ROBO1: variants seen among roughly 807,000 people sequenced by gnomAD.
The protein encoded by ROBO1 is roundabout guidance receptor 1, also known as roundabout homolog 1.
Under a neutral mutation model 195.9 loss-of-function variants are expected in ROBO1, and 149 were observed. The ratio of observed to expected loss-of-function variants is 0.76; its 90% CI spans 0.67 to 0.87. The LOEUF (loss-of-function observed/expected upper bound fraction) is 0.87, where lower values mean the gene tolerates loss of function less well. ROBO1 is among the 40% of genes least tolerant of loss of function. The pLI, the probability that ROBO1 is intolerant of heterozygous loss-of-function variation, is 0.00. For synonymous variants in ROBO1, 816 were observed against 733.2 expected, an observed-to-expected ratio of 1.11 and a Z score of -1.82; for missense variants, 1,933 against 2,068.3, an observed-to-expected ratio of 0.93 and a Z score of 1.27.
At chr3:78,811,488 C>T (rs569024994) in intron 4 of ROBO1, among the ~76,000 whole-genome samples, 2 of 152,276 alleles carry the variant, frequency 1.3e-5, no homozygotes, top group African/African-American at 2.4e-5. Context: ...GATCTTTTGA[C>T]ATTGTAACTG....
intron 1 of ROBO1, among the ~76,000 whole-genome samples, chr3:79,604,488 A>G (rs1944426490): frequency 6.6e-6 from 1 of 151,996 alleles, no homozygotes; most frequent in Admixed American, 6.6e-5. Flanking sequence ...TTGTTATTCT[A>G]TTTTAGTCAC....
At chr3:79,758,283 G>A (rs1472141863) in intron 1 of ROBO1, among the ~76,000 whole-genome samples, 2 of 152,082 alleles carry the variant, frequency 1.3e-5, no homozygotes, top group Non-Finnish European at 2.9e-5. Context: ...GCATAAAATT[G>A]GCTATCTAAA....
chr3:79,293,295 G>T (rs187595328), intron 2 of ROBO1, among the ~76,000 whole-genome samples: 1 of 151,842 alleles, frequency 6.6e-6, no homozygotes, highest in East Asian at 1.9e-4. Flanking sequence ...TCTTGCTAGT[G>T]GTCTATATAT....
At position 79,012,567 on chromosome 3, in the gene ROBO1, C is replaced by T. The variant is rs1035757422; in HGVS notation, c.173-73640G>A. ...GTGAACGCCACAGAGGTACTTCTCT[C>T]TTTGAATAAAGTCAGAAAGATATGC... On this transcript the variant is annotated intron_variant, in intron 3 of 30. Transcript: ENST00000464233. Among the ~76,000 whole-genome samples, 10 of 152,332 alleles carry T rather than the reference C, an allele frequency of 6.6e-5. No homozygotes were observed. The South Asian group carries it at 1.7e-3, about 25-fold the overall frequency.
At chr3:79,099,096 G>A (rs1393123057) in intron 3 of ROBO1, among the ~76,000 whole-genome samples, 1 of 151,612 alleles carries the variant, frequency 6.6e-6, no homozygotes, top group Non-Finnish European at 1.5e-5. Context: ...TCTCTTCTAA[G>A]CCCTAATCTT....
chr3:79,316,478 C>T (rs2033742330), intron 2 of ROBO1, among the ~76,000 whole-genome samples: 1 of 152,056 alleles, frequency 6.6e-6, no homozygotes, highest in African/African-American at 2.4e-5. Flanking sequence ...AAAATTTCAT[C>T]TTTAATTATA....
intron 29 of ROBO1, among the ~76,000 whole-genome samples, chr3:78,600,734 C>T (rs1160140909): frequency 6.6e-6 from 1 of 152,130 alleles, no homozygotes; most frequent in Non-Finnish European, 1.5e-5. Flanking sequence ...GGCCTCCGTT[C>T]ACATGGACAC....
At chr3:78,858,248 A>T (rs2034571425) in intron 4 of ROBO1, among the ~76,000 whole-genome samples, 2 of 150,504 alleles carry the variant, frequency 1.3e-5, no homozygotes, top group Admixed American at 6.6e-5. Context: ...ATCAGGAGCA[A>T]GAGATTAATT....
chr3:78,626,098 T>G (rs563833637), intron 26 of ROBO1, among the ~76,000 whole-genome samples: 12 of 151,590 alleles, frequency 7.9e-5, no homozygotes, highest in Non-Finnish European at 1.8e-4. Context: ...ACCCTGAGAA[T>G]AGAGACAGGA....
At chr3:79,274,523 G>T (rs909434321) in intron 2 of ROBO1, among the ~76,000 whole-genome samples, 5 of 151,840 alleles carry the variant, frequency 3.3e-5, no homozygotes, top group African/African-American at 1.2e-4. Context: ...ACAGTTTATA[G>T]CTATAGGTGC....
At chr3:79,710,947 C>A (rs1702250834) in intron 1 of ROBO1, among the ~76,000 whole-genome samples, 1 of 152,064 alleles carries the variant, frequency 6.6e-6, no homozygotes, top group African/African-American at 2.4e-5. Flanking sequence ...ATCTTTGGAT[C>A]ATTATCCCTG....
chr3:78,858,044 C>T (rs1209821632), intron 4 of ROBO1, among the ~76,000 whole-genome samples: 2 of 152,066 alleles, frequency 1.3e-5, no homozygotes, highest in African/African-American at 4.8e-5. Context: ...ACTGAAATAT[C>T]GGATGCCTCC....
intron 3 of ROBO1, among the ~76,000 whole-genome samples, chr3:79,055,291 AGACACGTG>A (rs1217945156): frequency 1.3e-5 from 2 of 152,164 alleles, no homozygotes; most frequent in African/African-American, 4.8e-5. Flanking sequence ...AAAGGAGATA[AGACACGTG>A]GCCCTGGGAT....
intron 2 of ROBO1, among the ~76,000 whole-genome samples, chr3:79,190,565 A>G (rs2081522398): frequency 6.6e-6 from 1 of 151,480 alleles, no homozygotes. Context: ...GCATCTTACA[A>G]ACTCACTGTC....
At chr3:79,548,083 T>G (rs920495078) in intron 2 of ROBO1, among the ~76,000 whole-genome samples, 1 of 152,120 alleles carries the variant, frequency 6.6e-6, no homozygotes, top group African/African-American at 2.4e-5. Context: ...TCATTCCTGG[T>G]TGAATTAATA....
intron 3 of ROBO1, among the ~76,000 whole-genome samples, chr3:79,101,087 AG>A (rs1310848952): frequency 6.6e-6 from 1 of 151,794 alleles, no homozygotes; most frequent in African/African-American, 2.4e-5. Context: ...AGTAGCTTCC[AG>A]GGGCAATGGG....
chr3:78,894,487 G>A (rs2037114311), intron 4 of ROBO1, among the ~76,000 whole-genome samples: 1 of 152,048 alleles, frequency 6.6e-6, no homozygotes, highest in Admixed American at 6.6e-5. Context: ...TATGTTTAAT[G>A]TATTCATGAA....
At chr3:79,554,140 T>C (rs771149409) in intron 2 of ROBO1, among the ~76,000 whole-genome samples, 10 of 152,030 alleles carry the variant, frequency 6.6e-5, no homozygotes, top group Non-Finnish European at 1.0e-4. Flanking sequence ...AAGGTATCAT[T>C]ATCCTTGATG....
intron 2 of ROBO1, among the ~76,000 whole-genome samples, chr3:79,267,795 TTCA>T (rs2030124423): frequency 6.6e-6 from 1 of 151,536 alleles, no homozygotes; most frequent in Non-Finnish European, 1.5e-5. Context: ...CTCCTGTAAC[TTCA>T]TCATCTTTCT....
Sources: gnomAD v4.1 joint callset for allele counts (sites outside exome capture counted in the v4.1 genomes callset) on GRCh38, gnomAD v4.1.1 for gene constraint, MANE v1.5 for transcripts, NCBI Gene and HGNC (gene_info 2026-07-23, HGNC 2026-07-21) for gene names.